The following IRAG1 variants were observed in gnomAD, a reference collection of about 807,000 sequenced individuals.
IRAG1 encodes inositol 1,4,5-triphosphate receptor associated 1.
IRAG1 carries 62 observed loss-of-function variants against 106.2 expected under a neutral mutation model. That is an observed-to-expected ratio of 0.58 (90% CI 0.48 to 0.72). The LOEUF (loss-of-function observed/expected upper bound fraction) is 0.72, where lower values mean the gene tolerates loss of function less well. Ranked by LOEUF, IRAG1 falls within the 30% of genes least tolerant of loss-of-function variation. IRAG1 has a pLI of 0.00. For missense variants in IRAG1, 1,064 were observed against 1,140.7 expected (o/e 0.93, Z 0.97); for synonymous variants, 462 against 443.9 (o/e 1.04, Z -0.51).
intron 15 of IRAG1, among the ~76,000 whole-genome samples, chr11:10,594,935 T>G (rs1464298993): frequency 1.3e-5 from 2 of 152,168 alleles, no homozygotes; most frequent in African/African-American, 2.4e-5. Flanking sequence ...AAAAAATTTT[T>G]TTTTCTTTTG....
At chr11:10,608,014 G>A (rs1282065049) in intron 11 of IRAG1, among the ~76,000 whole-genome samples, 1 of 152,214 alleles carries the variant, frequency 6.6e-6, no homozygotes, top group African/African-American at 2.4e-5. Context: ...GGGATATTAT[G>A]TGAAATGCAC....
chr11:10,644,209 C>A (rs1035521079), intron 2 of IRAG1, among the ~76,000 whole-genome samples: 2 of 152,226 alleles, frequency 1.3e-5, no homozygotes, highest in Non-Finnish European at 2.9e-5. Context: ...CTCTATTTGA[C>A]CACAGCACAG....
chr11:10,670,994 G>C (rs1319608500), intron 1 of IRAG1, among the ~76,000 whole-genome samples: 1 of 152,202 alleles, frequency 6.6e-6, no homozygotes, highest in Non-Finnish European at 1.5e-5. Flanking sequence ...TATAGCTATT[G>C]ATAGAATCTC....
At chr11:10,576,835 T>A (rs1850863262) in intron 20 of IRAG1, among the ~76,000 whole-genome samples, 1 of 152,216 alleles carries the variant, frequency 6.6e-6, no homozygotes, top group Non-Finnish European at 1.5e-5. Flanking sequence ...AGCCTTGAAG[T>A]TGAGAGCTAC....
Position 10,629,665 on chromosome 11 carries a change from G to C in IRAG1, c.447C>G (p.Asp149Glu), listed in dbSNP as rs1208052068. The C allele has an allele frequency of 6.2e-7, 1 of 1,613,786 alleles. No homozygotes were observed. The highest frequency in any genetic ancestry group is 8.5e-7 in the Non-Finnish European group (1 of 1,179,872). The change falls in exon 5 of 21, where the codon GAC (aspartate) becomes GAG (glutamate). Residue 149 changes from aspartate to glutamate, a missense_variant. By Grantham distance (45) the Asp-to-Glu change is conservative. Coordinates refer to ENST00000423302, the MANE Select transcript of IRAG1 (RefSeq NM_130385.4). Reference protein sequence around the residue: ...IIDLVNDQLPDISISEEDKKK... With the variant: ...IIDLVNDQLPEISISEEDKKK... ...TCTTGTCCTCCTCTGAGATGCTGAT[G>C]TCTGGCAGCTGGTCATTCACCAGGT...
intron 15 of IRAG1, among the ~76,000 whole-genome samples, chr11:10,600,621 C>T (rs936830955): frequency 6.6e-6 from 1 of 152,250 alleles, no homozygotes; most frequent in Non-Finnish European, 1.5e-5. Flanking sequence ...CACTCTCAGA[C>T]CCTGTAAGTC....
chr11:10,619,642 A>C (rs1564910990), intron 10 of IRAG1, among the ~76,000 whole-genome samples: 1 of 152,202 alleles, frequency 6.6e-6, no homozygotes, highest in East Asian at 1.9e-4. Flanking sequence ...CAGAAATGAA[A>C]ATGTATGCCA....
chr11:10,658,787 T>C (rs1859152333), intron 1 of IRAG1, among the ~76,000 whole-genome samples: 1 of 142,094 alleles, frequency 7.0e-6, no homozygotes, highest in Non-Finnish European at 1.5e-5. Flanking sequence ...GCTTGCCCCG[T>C]GTCTGTGCTG....
chr11:10,619,511 C>T (rs1855678562), intron 10 of IRAG1, among the ~76,000 whole-genome samples: 1 of 152,152 alleles, frequency 6.6e-6, no homozygotes. Context: ...AAAAGAAAGT[C>T]ACAAGTCTGC....
chr11:10,588,683 C>T (rs145962669), intron 18 of IRAG1, among the ~76,000 whole-genome samples: 4 of 152,156 alleles, frequency 2.6e-5, no homozygotes, highest in Admixed American at 2.0e-4. Context: ...CTCTTCCCCC[C>T]ACTTCCCCAG....
chr11:10,592,468 G>A (rs944493943), intron 17 of IRAG1, among the ~76,000 whole-genome samples: 5 of 152,134 alleles, frequency 3.3e-5, no homozygotes, highest in African/African-American at 1.2e-4. Context: ...TTTCATAGAC[G>A]ACTGAAATGC....
rs956394740 is a variant in IRAG1 at position 10,576,044 on chromosome 11, C to G, written c.*288G>C. On this transcript the variant is annotated 3_prime_UTR_variant, in exon 21 of 21. Transcript: ENST00000423302. ...GTGAAGGTGTTTTAGTTCTCCCCAG[C>G]CACCTGAGCTAGGGGCAGGAGACCT... 2.5e-6 allele frequency: 1 copy of G among 397,870 alleles called. No homozygotes were observed. Among genetic ancestry groups the G allele is most frequent in the African/African-American group, 2.0e-5 (1 of 50,186 alleles). The allele number at this position is 397,870 out of a possible 1,614,324, so 24.6% of individuals were successfully genotyped here. A position where few individuals can be genotyped will look rare whatever the true frequency, so the allele number is the denominator to read the frequency against.
intron 4 of IRAG1, among the ~76,000 whole-genome samples, chr11:10,630,659 C>T (rs1173934541): frequency 1.3e-5 from 2 of 152,228 alleles, no homozygotes; most frequent in African/African-American, 2.4e-5. Context: ...ATTTCTCATG[C>T]TCCTCAGTGT....
intron 1 of IRAG1, among the ~76,000 whole-genome samples, chr11:10,660,845 C>T (rs1859337580): frequency 6.6e-6 from 1 of 152,222 alleles, no homozygotes; most frequent in African/African-American, 2.4e-5. Flanking sequence ...TCACCCTCCA[C>T]ATTCAATTAG....
At position 10,603,397 on chromosome 11, in the gene IRAG1, T is replaced by A; in HGVS notation, c.1744-146A>T. ...GGGGGCGATGGTTTGGGGATGAAAC[T>A]CTTCCACCTCTGATCATTAGATTCT... is the stretch of plus-strand genomic sequence containing the variant. On this transcript the variant is annotated intron_variant, in intron 13 of 20. Coordinates refer to ENST00000423302, the MANE Select transcript of IRAG1 (RefSeq NM_130385.4). The A allele has an allele frequency of 4.8e-6, 4 of 827,796 alleles. No homozygotes were observed. The South Asian group carries it at 6.9e-5, about 14-fold the overall frequency. 51.3% of individuals were successfully genotyped at this position (827,796 alleles called of 1,614,324 possible).
chr11:10,641,659 A>G (rs904759627), intron 2 of IRAG1, among the ~76,000 whole-genome samples: 2 of 152,204 alleles, frequency 1.3e-5, no homozygotes, highest in African/African-American at 4.8e-5. Context: ...CCAGAAACTC[A>G]GTGGGTAAAC....
At chr11:10,638,474 A>G (rs1210588162) in intron 2 of IRAG1, among the ~76,000 whole-genome samples, 3 of 151,880 alleles carry the variant, frequency 2.0e-5, no homozygotes, top group African/African-American at 7.3e-5. Context: ...GGGCAGCCTC[A>G]TGCCTATCAC....
In IRAG1 at chr11:10,653,091, C is replaced by A. The variant is rs138645741; in HGVS notation, c.68-909G>T. 1.9e-3 allele frequency among the ~76,000 whole-genome samples: 284 copies of A among 152,260 alleles called. 2 individuals carry two copies. The highest frequency in any genetic ancestry group is 6.6e-3 in the African/African-American group (274 of 41,540). On this transcript the variant is annotated intron_variant, in intron 1 of 20. Coordinates refer to ENST00000423302, the MANE Select transcript of IRAG1 (RefSeq NM_130385.4). The stretch of plus-strand genomic sequence containing the variant: ...GCTCAGGGATAGACAATGGACCCAG[C>A]CTACATCGATGAGCTTAAAGTGGTG...
chr11:10,622,901 A>ACACACACACACACACACACACACACC (rs1220390921), intron 10 of IRAG1, among the ~76,000 whole-genome samples: 1 of 150,998 alleles, frequency 6.6e-6, no homozygotes, highest in African/African-American at 2.4e-5. Context: ...ACACACACAC[A>ACACACACACACACACACACACACACC]CTCCTGCCCT....
Sources: gnomAD v4.1 joint callset for allele counts (sites outside exome capture counted in the v4.1 genomes callset) on GRCh38, gnomAD v4.1.1 for gene constraint, MANE v1.5 for transcripts, NCBI Gene and HGNC (gene_info 2026-07-23, HGNC 2026-07-21) for gene names.